COG5: variants seen among roughly 807,000 people sequenced by gnomAD.
COG5 encodes conserved oligomeric Golgi complex subunit 5.
Under a neutral mutation model 110.4 loss-of-function variants are expected in COG5, and 86 were observed. That is an observed-to-expected ratio of 0.78 (90% CI 0.65 to 0.93). The LOEUF is 0.93. Ranked by LOEUF, COG5 falls within the 40% of genes least tolerant of loss-of-function variation. COG5 has a pLI of 0.00. For missense variants in COG5, 1,077 were observed against 987.0 expected (o/e 1.09, Z -1.22); for synonymous variants, 360 against 334.6 (o/e 1.08, Z -0.83).
chr7:107,540,181 G>C (rs1801872129), intron 5 of COG5, among the ~76,000 whole-genome samples: 1 of 152,160 alleles, frequency 6.6e-6, no homozygotes, highest in Non-Finnish European at 1.5e-5. Context: ...CACAGGAAAA[G>C]AAACACTGAA....
intron 12 of COG5, among the ~76,000 whole-genome samples, chr7:107,297,359 G>C (rs1039494721): frequency 1.3e-5 from 2 of 149,162 alleles, no homozygotes; most frequent in African/African-American, 4.9e-5. Flanking sequence ...CAAATATTAT[G>C]TCATTTTACC....
chr7:107,391,660 A>G (rs765630096), intron 7 of COG5, among the ~76,000 whole-genome samples: 2 of 152,140 alleles, frequency 1.3e-5, no homozygotes, highest in Non-Finnish European at 2.9e-5. Context: ...ATATTTGTAT[A>G]TGGTGCAAGG....
chr7:107,364,986 A>G (rs1299253137), intron 8 of COG5, among the ~76,000 whole-genome samples: 1 of 152,126 alleles, frequency 6.6e-6, no homozygotes, highest in African/African-American at 2.4e-5. Context: ...TATGTTATAT[A>G]AAGAATGAAC....
At chr7:107,517,701 C>CT (rs1300279189) in intron 6 of COG5, among the ~76,000 whole-genome samples, 3,110 of 142,852 alleles carry the variant, frequency 0.022, 73 homozygotes, top group African/African-American at 0.058. Context: ...TTCAACATTC[C>CT]TTTTTTTTTT....
chr7:107,447,329 GT>G (rs1318390043), intron 6 of COG5, among the ~76,000 whole-genome samples: 2 of 152,208 alleles, frequency 1.3e-5, no homozygotes, highest in Non-Finnish European at 1.5e-5. Flanking sequence ...GTCCATAATT[GT>G]AACCATATTT....
intron 10 of COG5, among the ~76,000 whole-genome samples, chr7:107,328,923 C>T (rs1183496048): frequency 2.6e-5 from 4 of 152,072 alleles, no homozygotes; most frequent in African/African-American, 9.7e-5. Flanking sequence ...CGGGCTCAAG[C>T]GATTCTCCTG....
intron 6 of COG5, among the ~76,000 whole-genome samples, chr7:107,508,431 T>A (rs1020706014): frequency 5.3e-5 from 8 of 152,190 alleles, no homozygotes; most frequent in South Asian, 2.1e-4. Flanking sequence ...CCTGCCTGCC[T>A]CTGTAGGCTC....
At chr7:107,415,392 G>A (rs779890901) in intron 6 of COG5, among the ~76,000 whole-genome samples, 3 of 152,156 alleles carry the variant, frequency 2.0e-5, no homozygotes, top group Non-Finnish European at 4.4e-5. Flanking sequence ...AGGCCAGGAA[G>A]AAGGCAGAGC....
At chr7:107,341,057 G>C (rs533322785) in intron 10 of COG5, among the ~76,000 whole-genome samples, 132 of 152,170 alleles carry the variant, frequency 8.7e-4, no homozygotes, top group Non-Finnish European at 1.1e-3. Context: ...AGAAAAAATA[G>C]CATCCAATTT....
chr7:107,457,418 G>A (rs1237299179), intron 6 of COG5, among the ~76,000 whole-genome samples: 1 of 149,936 alleles, frequency 6.7e-6, no homozygotes, highest in Admixed American at 6.6e-5. Context: ...TCTAAAATAT[G>A]AGTTTTTGTT....
intron 6 of COG5, among the ~76,000 whole-genome samples, chr7:107,426,196 C>T (rs903393152): frequency 2.0e-5 from 3 of 152,092 alleles, no homozygotes; most frequent in African/African-American, 4.8e-5. Flanking sequence ...TATAGCAGCT[C>T]GAGCACTACA....
At chr7:107,353,412 G>A (rs1452914935) in intron 10 of COG5, among the ~76,000 whole-genome samples, 15 of 125,790 alleles carry the variant, frequency 1.2e-4, no homozygotes, top group Admixed American at 3.4e-4. Context: ...GCGACAGAGC[G>A]AGACTCCGTC....
At chr7:107,496,578 T>C (rs1341911691) in intron 6 of COG5, among the ~76,000 whole-genome samples, 1 of 150,836 alleles carries the variant, frequency 6.6e-6, no homozygotes, top group Admixed American at 6.7e-5. Flanking sequence ...GAGAACCGCT[T>C]GAACCCAGAA....
At chr7:107,257,206 C>T (rs1802956926) in intron 15 of COG5, among the ~76,000 whole-genome samples, 1 of 151,996 alleles carries the variant, frequency 6.6e-6, no homozygotes, top group South Asian at 2.1e-4. Flanking sequence ...TCAATACAAA[C>T]ATCATGAAAA....
At chr7:107,547,899 C>A in intron 5 of COG5, 1 of 549,884 alleles carries the variant, frequency 1.8e-6, no homozygotes, top group Non-Finnish European at 3.2e-6. Context: ...AGTTAATAAA[C>A]AATTATACAC....
intron 8 of COG5, among the ~76,000 whole-genome samples, chr7:107,370,326 T>TA (rs915384464): frequency 5.9e-5 from 9 of 151,640 alleles, no homozygotes; most frequent in Non-Finnish European, 1.0e-4. Flanking sequence ...GTAAGTATTG[T>TA]AAAAAAAAAT....
rs767217808 is a variant in COG5, at chr7:107,210,584, G to C, written c.2317C>G (p.Arg773Gly). The C allele has an allele frequency of 5.6e-6, 9 of 1,604,162 alleles. No homozygotes were observed. The highest frequency in any genetic ancestry group is 6.0e-6 in the Non-Finnish European group (7 of 1,175,282). The change falls in exon 21 of 22, where the codon CGC becomes GGC. Residue 773 changes from arginine to glycine, a missense_variant. By Grantham distance (125) the Arg-to-Gly change is moderately radical (BLOSUM62 -2). Coordinates refer to ENST00000297135, the MANE Select transcript of COG5 (RefSeq NM_006348.5). ...TGGTCATCCAGCCACTGAGAGAAGC[G>C]TGTGTGGGACCACTCTGCCCTCTGC... ...PFQRAEWSHT[R>G]FSQWLDDHPS...
chr7:107,335,870 C>A (rs1044759225), intron 10 of COG5, among the ~76,000 whole-genome samples: 1 of 151,934 alleles, frequency 6.6e-6, no homozygotes, highest in Non-Finnish European at 1.5e-5. Context: ...ATAAAAAGGA[C>A]AAAGATCACT....
chr7:107,551,752 G>C (rs1430087207), intron 3 of COG5, among the ~76,000 whole-genome samples: 1 of 152,038 alleles, frequency 6.6e-6, no homozygotes, highest in East Asian at 1.9e-4. Flanking sequence ...CAAGTAGCTG[G>C]GACTAGAAAC....
Sources: allele counts gnomAD v4.1 joint callset (sites outside exome capture counted in the v4.1 genomes callset), GRCh38; gene constraint gnomAD v4.1.1; transcripts MANE v1.5; gene names NCBI Gene and HGNC (gene_info 2026-07-23, HGNC 2026-07-21).